PLAAT2: variants seen among roughly 807,000 people sequenced by gnomAD.
The protein encoded by PLAAT2 is phospholipase A and acyltransferase 2, also known as HRAS like suppressor 2.
A neutral mutation model predicts 12.8 loss-of-function variants in PLAAT2; 12 were observed. The ratio of observed to expected loss-of-function variants is 0.94; its 90% CI spans 0.60 to 1.52. PLAAT2 has a LOEUF of 1.52. Among genes scored for constraint, PLAAT2 ranks in the 40% most tolerant of loss-of-function variants. PLAAT2 has a pLI of 0.00. For synonymous variants in PLAAT2, 79 were observed against 86.8 expected, an observed-to-expected ratio of 0.91 and a Z score of 0.50; for missense variants, 166 against 208.1, an observed-to-expected ratio of 0.80 and a Z score of 1.24.
chr11:63,564,836 T>C (rs553107708), upstream of PLAAT2, among the ~76,000 whole-genome samples: 59 of 152,056 alleles, frequency 3.9e-4, no homozygotes, highest in African/African-American at 1.3e-3. Flanking sequence ...TGCAACCACA[T>C]CACACCCCTG....
chr11:63,561,936 T>A (rs2017523250), intron 1 of PLAAT2, among the ~76,000 whole-genome samples: 1 of 152,112 alleles, frequency 6.6e-6, no homozygotes, highest in African/African-American at 2.4e-5. Flanking sequence ...CACGTGTTCA[T>A]AAGGATATTT....
At chr11:63,554,351 CG>C (rs944812794) in intron 3 of PLAAT2, among the ~76,000 whole-genome samples, 5 of 149,296 alleles carry the variant, frequency 3.3e-5, no homozygotes, top group Admixed American at 2.0e-4. Context: ...ACGCAAAGGC[CG>C]GGGGGGCGGT....
intron 3 of PLAAT2, 80 bp downstream of exon 3, chr11:63,558,312 T>C: frequency 4.0e-6 from 6 of 1,493,808 alleles, no homozygotes; most frequent in Non-Finnish European, 5.5e-6. Flanking sequence ...CATCCCACCC[T>C]GGCCCCAGCA....
chr11:63,554,763 G>A lies in PLAAT2; in HGVS notation c.388-1698C>T, dbSNP rs928604902. Among the ~76,000 whole-genome samples the A allele has an allele frequency of 4.5e-4, 68 of 152,054 alleles. 3 individuals are homozygous for A. The highest frequency in any genetic ancestry group is 4.4e-5 in the Non-Finnish European group (3 of 68,034). ...CAGGGAAGCAAGTATTTAAACCAGC[G>A]ACCAAATAGCAGATTTCTGTGGAGT... is the stretch of plus-strand genomic sequence containing the variant. On this transcript the variant is annotated intron_variant, in intron 3 of 3. Coordinates refer to ENST00000255695, the MANE Select transcript of PLAAT2 (RefSeq NM_017878.2).
At chr11:63,563,187 C>A in intron 1 of PLAAT2, 129 bp downstream of exon 1, 1 of 1,073,898 alleles carries the variant, frequency 9.3e-7, no homozygotes, top group Non-Finnish European at 1.4e-6. Context: ...GAGCCAGACC[C>A]CCAGAACTCA....
intron 1 of PLAAT2, among the ~76,000 whole-genome samples, chr11:63,563,037 T>C (rs2017532098): frequency 6.6e-6 from 1 of 152,188 alleles, no homozygotes; most frequent in Non-Finnish European, 1.5e-5. Flanking sequence ...GAGCCACTGG[T>C]AGTTTGGCCA....
intron 1 of PLAAT2, among the ~76,000 whole-genome samples, chr11:63,562,287 C>T (rs887884077): frequency 4.6e-5 from 7 of 152,142 alleles, no homozygotes; most frequent in African/African-American, 1.7e-4. Flanking sequence ...TTTTGTCACC[C>T]AGGCTGGAGT....
intron 1 of PLAAT2, among the ~76,000 whole-genome samples, chr11:63,562,923 T>C (rs1397894049): frequency 6.6e-6 from 1 of 152,132 alleles, no homozygotes; most frequent in African/African-American, 2.4e-5. Flanking sequence ...CCTCCCCAGC[T>C]AATCCCTCCC....
At chr11:63,559,985 C>T (rs1303096710) in intron 2 of PLAAT2, 100 bp downstream of exon 2, 2 of 733,318 alleles carry the variant, frequency 2.7e-6, no homozygotes, top group Non-Finnish European at 4.6e-6. Context: ...TATTGAGTGC[C>T]TACTCTGCTA....
intron 2 of PLAAT2, 41 bp downstream of exon 2, chr11:63,560,044 T>G: frequency 5.1e-6 from 7 of 1,377,274 alleles, no homozygotes; most frequent in South Asian, 1.2e-5. Flanking sequence ...TTCACATTCT[T>G]GATCTTAACC....
intron 2 of PLAAT2, 129 bp from the exon 3 acceptor site, chr11:63,558,789 C>A: frequency 2.6e-6 from 3 of 1,163,326 alleles, no homozygotes; most frequent in Non-Finnish European, 3.7e-6. Context: ...CCTGCCTGGC[C>A]TCAAACTTGA....
chr11:63,554,745 G>A (rs996104656), intron 3 of PLAAT2, among the ~76,000 whole-genome samples: 4 of 152,056 alleles, frequency 2.6e-5, no homozygotes, highest in Non-Finnish European at 5.9e-5. Flanking sequence ...AGACAGGGAA[G>A]CAAGTATTTA....
intron 3 of PLAAT2, among the ~76,000 whole-genome samples, chr11:63,554,139 A>T (rs2017444047): frequency 8.3e-6 from 1 of 120,936 alleles, no homozygotes; most frequent in South Asian, 3.1e-4. Context: ...AGAGACTAGC[A>T]CTGGAGCGAC....
Position 63,553,191 on chromosome 11 carries a change from C to G in PLAAT2, c.388-126G>C, listed in dbSNP as rs1018947081. 9.7e-6 allele frequency: 6 copies of G among 615,460 alleles called. No individual in the cohort carries two copies. The Admixed American group carries it at 1.8e-4, about 19-fold the overall frequency. 38.1% of individuals were successfully genotyped at this position (615,460 alleles called of 1,614,324 possible). ...CTCTTCATTTGAATCACAGAGGGAACAAATATTGGCTGGGAGAGGGGATGC... is the reference window on the plus strand; with the variant it reads ...CTCTTCATTTGAATCACAGAGGGAAGAAATATTGGCTGGGAGAGGGGATGC... On this transcript the variant is annotated intron_variant, in intron 3 of 3. Coordinates refer to ENST00000255695, the MANE Select transcript of PLAAT2 (RefSeq NM_017878.2).
intron 3 of PLAAT2, among the ~76,000 whole-genome samples, chr11:63,556,111 G>A (rs2017464072): frequency 6.6e-6 from 1 of 152,196 alleles, no homozygotes; most frequent in African/African-American, 2.4e-5. Flanking sequence ...GCGTTGTTGT[G>A]TGCCAAGAGT....
chr11:63,556,903 A>G (rs748935353), intron 3 of PLAAT2, among the ~76,000 whole-genome samples: 2 of 152,186 alleles, frequency 1.3e-5, no homozygotes, highest in Non-Finnish European at 2.9e-5. Flanking sequence ...TTAGAATGAG[A>G]ATTCTAAAGT....
intron 3 of PLAAT2, among the ~76,000 whole-genome samples, chr11:63,553,823 T>G (rs1445018104): frequency 6.6e-6 from 1 of 152,010 alleles, no homozygotes; most frequent in Admixed American, 6.5e-5. Flanking sequence ...GGCAGGGAGC[T>G]CGCCTGGATT....
At chr11:63,561,609 C>A (rs1373989920) in intron 1 of PLAAT2, among the ~76,000 whole-genome samples, 2 of 128,872 alleles carry the variant, frequency 1.6e-5, no homozygotes, top group Non-Finnish European at 3.1e-5. Flanking sequence ...CGTGCCACTG[C>A]ACTCCAGCCT....
intron 3 of PLAAT2, among the ~76,000 whole-genome samples, chr11:63,557,661 T>C (rs1367385208): frequency 6.6e-6 from 1 of 152,190 alleles, no homozygotes; most frequent in East Asian, 1.9e-4. Flanking sequence ...GTCTCGCCTG[T>C]TCATTTATAT....
Sources: gnomAD v4.1 joint callset for allele counts (sites outside exome capture counted in the v4.1 genomes callset) on GRCh38, gnomAD v4.1.1 for gene constraint, MANE v1.5 for transcripts, NCBI Gene and HGNC (gene_info 2026-07-23, HGNC 2026-07-21) for gene names.